The following SUPT3H variants were observed in gnomAD, a reference collection of about 807,000 sequenced individuals.
The protein encoded by SUPT3H is transcription initiation protein SPT3 homolog.
SUPT3H carries 44 observed loss-of-function variants against 44.3 expected under a neutral mutation model. The ratio of observed to expected loss-of-function variants is 0.99; its 90% CI spans 0.78 to 1.28. SUPT3H has a LOEUF of 1.28. Among genes scored for constraint, SUPT3H ranks in the 50% most tolerant of loss-of-function variants. SUPT3H has a pLI of 0.00. For missense variants in SUPT3H, 380 were observed against 387.1 expected, an observed-to-expected ratio of 0.98 and a Z score of 0.15; for synonymous variants, 124 against 125.6, an observed-to-expected ratio of 0.99 and a Z score of 0.09.
chr6:45,158,292 A>ATTTTTTTTT (rs1562573016), intron 2 of SUPT3H, among the ~76,000 whole-genome samples: 1 of 32,340 alleles, frequency 3.1e-5, no homozygotes, highest in Non-Finnish European at 6.8e-5. Context: ...ATATATATAT[A>ATTTTTTTTT]TATATATTTT....
At chr6:45,189,021 T>C (rs942920831) in intron 2 of SUPT3H, among the ~76,000 whole-genome samples, 4 of 152,158 alleles carry the variant, frequency 2.6e-5, no homozygotes, top group Non-Finnish European at 5.9e-5. Flanking sequence ...AAGGTGGTCT[T>C]GAACTCACGG....
At chr6:44,842,829 T>C (rs1460961431) in intron 10 of SUPT3H, among the ~76,000 whole-genome samples, 1 of 152,018 alleles carries the variant, frequency 6.6e-6, no homozygotes, top group Non-Finnish European at 1.5e-5. Context: ...TATGAATACA[T>C]GCTCACATCA....
chr6:45,011,437 TAG>T (rs1237446311), intron 5 of SUPT3H, among the ~76,000 whole-genome samples: 1 of 152,140 alleles, frequency 6.6e-6, no homozygotes, highest in African/African-American at 2.4e-5. Context: ...TATATTTATA[TAG>T]TTTGTTATAT....
chr6:45,345,963 T>C (rs1314279459), intron 2 of SUPT3H, among the ~76,000 whole-genome samples: 1 of 152,168 alleles, frequency 6.6e-6, no homozygotes, highest in Non-Finnish European at 1.5e-5. Flanking sequence ...TCTCCCGTAC[T>C]TGCAATATTC....
chr6:45,036,176 C>T (rs1284735179), intron 3 of SUPT3H, among the ~76,000 whole-genome samples: 1 of 152,092 alleles, frequency 6.6e-6, no homozygotes, highest in Admixed American at 6.6e-5. Context: ...AAACAACTTG[C>T]AATGTCATAA....
In SUPT3H at chr6:45,376,180, CTTTAA is replaced by C. The variant is rs138951009; in HGVS notation, c.-1+1583_-1+1587del. On this transcript the variant is annotated intron_variant, in intron 1 of 10. Coordinates refer to ENST00000371459, the MANE Select transcript of SUPT3H (RefSeq NM_003599.4). ...GTACAACCTAGGAGACAACGTTTTG[CTTTAA>C]TTTGTCAAGATGTAAATAAGTACTA... 7.5e-3 allele frequency among the ~76,000 whole-genome samples: 1,142 copies of C among 152,270 alleles called. 20 individuals are homozygous for C. Among genetic ancestry groups the C allele is most frequent in the African/African-American group, 0.026 (1,084 of 41,542 alleles).
At chr6:45,077,648 G>GAAAAGGA (rs1554233661) in intron 3 of SUPT3H, among the ~76,000 whole-genome samples, 2 of 105,742 alleles carry the variant, frequency 1.9e-5, no homozygotes, top group Non-Finnish European at 3.9e-5. Context: ...AAAAAGAAAA[G>GAAAAGGA]AAAAAAAAAA....
chr6:45,228,390 T>G (rs921962668), intron 2 of SUPT3H, among the ~76,000 whole-genome samples: 4 of 152,148 alleles, frequency 2.6e-5, no homozygotes, highest in Non-Finnish European at 5.9e-5. Context: ...AAGAGAGAAT[T>G]TTGCTGCTTT....
intron 3 of SUPT3H, among the ~76,000 whole-genome samples, chr6:45,080,359 T>C (rs9357468): frequency 0.98 from 149,174 of 152,272 alleles, 73,080 homozygotes; most frequent in Middle Eastern, 1. Context: ...ATTAGTACAA[T>C]CACTACGCAG....
At chr6:45,270,137 A>T (rs1315154550) in intron 2 of SUPT3H, among the ~76,000 whole-genome samples, 1 of 152,176 alleles carries the variant, frequency 6.6e-6, no homozygotes, top group Non-Finnish European at 1.5e-5. Context: ...GAAAGATAAA[A>T]ATAAAAGAAT....
chr6:44,986,182 G>A (rs1347082165), intron 6 of SUPT3H, among the ~76,000 whole-genome samples: 2 of 152,146 alleles, frequency 1.3e-5, no homozygotes, highest in African/African-American at 4.8e-5. Context: ...CAGAATGGAA[G>A]AAATATAAAA....
At chr6:45,276,625 T>C (rs537148004) in intron 2 of SUPT3H, among the ~76,000 whole-genome samples, 2 of 152,350 alleles carry the variant, frequency 1.3e-5, no homozygotes, top group South Asian at 4.1e-4. Context: ...ATTAAAGTGA[T>C]GGCACACCAG....
intron 2 of SUPT3H, among the ~76,000 whole-genome samples, chr6:45,222,351 T>G (rs780664757): frequency 3.9e-5 from 6 of 151,982 alleles, no homozygotes; most frequent in Non-Finnish European, 7.4e-5. Flanking sequence ...ACAGTAAAAC[T>G]ACAAACAATC....
chr6:44,987,246 A>G (rs1474148981), intron 6 of SUPT3H, among the ~76,000 whole-genome samples: 1 of 133,028 alleles, frequency 7.5e-6, no homozygotes, highest in African/African-American at 2.8e-5. Flanking sequence ...TCCAAATACC[A>G]TCACACTGGG....
intron 2 of SUPT3H, among the ~76,000 whole-genome samples, chr6:45,251,864 G>T (rs1195841400): frequency 6.6e-6 from 1 of 152,024 alleles, no homozygotes; most frequent in African/African-American, 2.4e-5. Flanking sequence ...CAAAGGTTTA[G>T]ATATGAACTG....
rs1418631230 is a variant in SUPT3H at position 45,162,959 on chromosome 6, G to A, written c.102-56953C>T. ...AGACTGTCTGCATCCCTGGAGATCTGTAGGGTGTGAAGTGACAATTATTTT... is the reference window on the plus strand; with the variant it reads ...AGACTGTCTGCATCCCTGGAGATCTATAGGGTGTGAAGTGACAATTATTTT... On this transcript the variant is annotated intron_variant, in intron 2 of 10. Coordinates refer to ENST00000371459, the MANE Select transcript of SUPT3H (RefSeq NM_003599.4). Among the ~76,000 whole-genome samples, 3 of 152,164 alleles carry A rather than the reference G, an allele frequency of 2.0e-5. No individual in the cohort carries two copies. The East Asian group carries it at 5.8e-4, about 29-fold the overall frequency.
intron 3 of SUPT3H, among the ~76,000 whole-genome samples, chr6:45,067,542 G>T (rs1309907718): frequency 3.3e-5 from 5 of 150,682 alleles, no homozygotes; most frequent in African/African-American, 1.2e-4. Flanking sequence ...CAAAATGGGA[G>T]AAAATTTTCA....
intron 3 of SUPT3H, among the ~76,000 whole-genome samples, chr6:45,050,369 G>A (rs1485757969): frequency 6.6e-6 from 1 of 150,668 alleles, no homozygotes; most frequent in Non-Finnish European, 1.5e-5. Flanking sequence ...TGGGATCATG[G>A]ACATTTTCCC....
At chr6:44,899,486 G>C (rs1246748841) in intron 10 of SUPT3H, among the ~76,000 whole-genome samples, 1 of 152,144 alleles carries the variant, frequency 6.6e-6, no homozygotes, top group Non-Finnish European at 1.5e-5. Flanking sequence ...AGGAGTTCGA[G>C]ACCAGCCTGG....
Sources: allele counts gnomAD v4.1 joint callset (sites outside exome capture counted in the v4.1 genomes callset), GRCh38; gene constraint gnomAD v4.1.1; transcripts MANE v1.5; gene names NCBI Gene and HGNC (gene_info 2026-07-23, HGNC 2026-07-21).